Variants in KCNB2 observed in about 807,000 individuals in gnomAD.
KCNB2 encodes delayed rectifier potassium channel protein.
Under a neutral mutation model 61.5 loss-of-function variants are expected in KCNB2, and 15 were observed. The observed-to-expected ratio is 0.24, with a 90% CI of 0.16 to 0.38. The LOEUF is 0.38. Among genes scored for constraint, KCNB2 ranks in the 10% least tolerant of loss-of-function variants. The pLI, the probability that KCNB2 is intolerant of heterozygous loss-of-function variation, is 1.00. For missense variants in KCNB2, 828 were observed against 1,125.2 expected (o/e 0.74, Z 3.78); for synonymous variants, 457 against 446.0 (o/e 1.02, Z -0.31).
At position 72,730,734 on chromosome 8, in the gene KCNB2, A is replaced by G. The variant is rs745881270; in HGVS notation, c.579+162421A>G. Among the ~76,000 whole-genome samples, 4 of 152,214 alleles carry G rather than the reference A, an allele frequency of 2.6e-5. No individual in the cohort carries two copies. In the South Asian group the frequency reaches 8.3e-4, roughly 31 times the overall value. On this transcript the variant is annotated intron_variant, in intron 2 of 2. Transcript: ENST00000523207. ...TAGTATGTGTAGAGAGAAAGAATAT[A>G]GCATATAATTTTTTAAACATCAGAA... is the stretch of plus-strand genomic sequence containing the variant.
At chr8:72,665,812 C>T (rs1488786445) in intron 2 of KCNB2, among the ~76,000 whole-genome samples, 1 of 151,810 alleles carries the variant, frequency 6.6e-6, no homozygotes, top group Non-Finnish European at 1.5e-5. Flanking sequence ...GAAAAGCAAC[C>T]ATAGCCCCAG....
intron 1 of KCNB2, among the ~76,000 whole-genome samples, chr8:72,551,982 T>C (rs1228636298): frequency 6.6e-6 from 1 of 152,174 alleles, no homozygotes; most frequent in East Asian, 1.9e-4. Context: ...GAACTGCTGT[T>C]CAGGGTAGGG....
At chr8:72,565,592 G>A (rs1476857218) in intron 1 of KCNB2, among the ~76,000 whole-genome samples, 2 of 151,908 alleles carry the variant, frequency 1.3e-5, no homozygotes, top group African/African-American at 4.8e-5. Context: ...GACTACAAGA[G>A]CAGTAATGCT....
At chr8:72,619,031 G>A (rs1042368599) in intron 2 of KCNB2, 7 of 306,322 alleles carry the variant, frequency 2.3e-5, no homozygotes, top group Non-Finnish European at 4.5e-5. Flanking sequence ...GAAGATGACC[G>A]TCGACTTTGA....
intron 2 of KCNB2, among the ~76,000 whole-genome samples, chr8:72,607,483 C>G (rs944977835): frequency 6.6e-6 from 1 of 152,180 alleles, no homozygotes; most frequent in Non-Finnish European, 1.5e-5. Flanking sequence ...TACAGTGACT[C>G]ATTCTTTACT....
intron 2 of KCNB2, among the ~76,000 whole-genome samples, chr8:72,895,848 G>A (rs573321348): frequency 1.5e-4 from 23 of 152,054 alleles, no homozygotes; most frequent in Non-Finnish European, 2.8e-4. Context: ...CAGGGTACAG[G>A]GATGTTTTTG....
intron 2 of KCNB2, among the ~76,000 whole-genome samples, chr8:72,605,388 C>T (rs1191077941): frequency 6.6e-6 from 1 of 152,018 alleles, no homozygotes; most frequent in East Asian, 1.9e-4. Flanking sequence ...GTTCTTTGGG[C>T]CTATTTGTGT....
chr8:72,792,607 G>A (rs535302521), intron 2 of KCNB2, among the ~76,000 whole-genome samples: 2 of 152,268 alleles, frequency 1.3e-5, no homozygotes, highest in South Asian at 4.2e-4. Flanking sequence ...CTGATGCCAG[G>A]ATCCCATACT....
intron 2 of KCNB2, among the ~76,000 whole-genome samples, chr8:72,888,438 A>G (rs373742291): frequency 6.6e-6 from 1 of 152,158 alleles, no homozygotes; most frequent in Admixed American, 6.6e-5. Context: ...TAATCTCCCT[A>G]TAATCACAGT....
At chr8:72,899,857 A>T (rs573699809) in intron 2 of KCNB2, among the ~76,000 whole-genome samples, 33 of 152,154 alleles carry the variant, frequency 2.2e-4, no homozygotes, top group Non-Finnish European at 4.1e-4. Flanking sequence ...AGAAAAAAGT[A>T]TTCTAAAATT....
chr8:72,798,628 G>A (rs771308638), intron 2 of KCNB2, among the ~76,000 whole-genome samples: 1 of 151,948 alleles, frequency 6.6e-6, no homozygotes, highest in African/African-American at 2.4e-5. Flanking sequence ...TTTTTGGTGG[G>A]AGAAAACTTC....
intron 2 of KCNB2, among the ~76,000 whole-genome samples, chr8:72,725,904 C>G (rs181873244): frequency 6.6e-6 from 1 of 152,110 alleles, no homozygotes; most frequent in Non-Finnish European, 1.5e-5. Context: ...AGCACATACC[C>G]TTTTGTCCAA....
chr8:72,703,527 C>G (rs186636438), intron 2 of KCNB2, among the ~76,000 whole-genome samples: 180 of 152,312 alleles, frequency 1.2e-3, no homozygotes, highest in African/African-American at 4.2e-3. Context: ...TCCTTGGGTA[C>G]AGTGTGTCCC....
chr8:72,774,246 T>G (rs1409857736), intron 2 of KCNB2, among the ~76,000 whole-genome samples: 1 of 152,184 alleles, frequency 6.6e-6, no homozygotes, highest in African/African-American at 2.4e-5. Flanking sequence ...CCATCCTGAT[T>G]ATACCATTCT....
intron 2 of KCNB2, among the ~76,000 whole-genome samples, chr8:72,815,815 G>A (rs1403788529): frequency 6.6e-6 from 1 of 152,118 alleles, no homozygotes; most frequent in Non-Finnish European, 1.5e-5. Flanking sequence ...TCAGGAGAGG[G>A]CATGAAGCAT....
intron 2 of KCNB2, among the ~76,000 whole-genome samples, chr8:72,859,807 C>T (rs55829508): frequency 0.22 from 32,677 of 149,530 alleles, 3,944 homozygotes; most frequent in Non-Finnish European, 0.28. Flanking sequence ...GCAACCTCCG[C>T]CCCCTGGGTT....
chr8:72,815,173 G>T (rs149454261), intron 2 of KCNB2, among the ~76,000 whole-genome samples: 3 of 152,064 alleles, frequency 2.0e-5, no homozygotes, highest in East Asian at 1.9e-4. Flanking sequence ...AATACTAAGC[G>T]CATCCTCCTT....
chr8:72,912,302 C>T (rs1419035436), intron 2 of KCNB2, among the ~76,000 whole-genome samples: 4 of 151,924 alleles, frequency 2.6e-5, no homozygotes, highest in Non-Finnish European at 4.4e-5. Context: ...AGATGACTGG[C>T]GGCTCTCCAC....
intron 2 of KCNB2, among the ~76,000 whole-genome samples, chr8:72,702,199 C>T (rs1306982077): frequency 3.9e-5 from 6 of 152,144 alleles, no homozygotes; most frequent in African/African-American, 1.2e-4. Flanking sequence ...AATTAACTTT[C>T]CTGGGTTCAA....
Sources: gnomAD v4.1 joint callset for allele counts (sites outside exome capture counted in the v4.1 genomes callset) on GRCh38, gnomAD v4.1.1 for gene constraint, MANE v1.5 for transcripts, NCBI Gene and HGNC (gene_info 2026-07-23, HGNC 2026-07-21) for gene names.